Variants in SLC2A9 observed in about 807,000 individuals in gnomAD.
SLC2A9 encodes solute carrier family 2, facilitated glucose transporter member 9.
In SLC2A9, 39 loss-of-function variants were observed where a neutral mutation model predicts 50.6. The observed-to-expected ratio is 0.77, with a 90% CI of 0.60 to 1.01. The LOEUF (loss-of-function observed/expected upper bound fraction) is 1.01, where lower values mean the gene tolerates loss of function less well. Among genes scored for constraint, SLC2A9 ranks in the 50% least tolerant of loss-of-function variants. SLC2A9 has a pLI of 0.00. For synonymous variants in SLC2A9, 324 were observed against 276.9 expected (o/e 1.17, Z -1.69); for missense variants, 686 against 677.6 (o/e 1.01, Z -0.14).
At chr4:10,022,679 T>A (rs12509955), upstream of SLC2A9, among the ~76,000 whole-genome samples, 1 of 152,004 alleles carries the variant, frequency 6.6e-6, no homozygotes, top group Admixed American at 6.5e-5. Flanking sequence ...AAAAGAGAGA[T>A]CGAAAAGTTA....
chr4:9,946,549 C>G (rs762574428), intron 5 of SLC2A9, among the ~76,000 whole-genome samples: 4 of 152,206 alleles, frequency 2.6e-5, no homozygotes, highest in Non-Finnish European at 5.9e-5. Flanking sequence ...TTGCTCCATG[C>G]TGCTGGATTG....
chr4:9,778,760 G>T (rs1487682121), downstream of SLC2A9, among the ~76,000 whole-genome samples: 2 of 152,140 alleles, frequency 1.3e-5, no homozygotes, highest in Non-Finnish European at 2.9e-5. Flanking sequence ...GGAGAAAGGA[G>T]GTTCAGAACA....
At chr4:9,780,433 T>A (rs529234303) in intron 3 of SLC2A9, among the ~76,000 whole-genome samples, 8 of 151,414 alleles carry the variant, frequency 5.3e-5, no homozygotes, top group Non-Finnish European at 1.0e-4. Context: ...CAAAAAGCAC[T>A]GAGGGGGAAG....
At chr4:9,884,549 T>C (rs911618461) in intron 10 of SLC2A9, among the ~76,000 whole-genome samples, 3 of 152,162 alleles carry the variant, frequency 2.0e-5, no homozygotes, top group Admixed American at 1.3e-4. Context: ...GTGTATTTGT[T>C]GGATGGAGGA....
intron 2 of SLC2A9, among the ~76,000 whole-genome samples, chr4:10,005,501 C>G (rs747621648): frequency 6.6e-5 from 10 of 152,204 alleles, no homozygotes; most frequent in Non-Finnish European, 1.5e-4. Flanking sequence ...GAATGTTCTT[C>G]ATAGGTGCAG....
intron 5 of SLC2A9, among the ~76,000 whole-genome samples, chr4:9,952,595 G>T (rs1206795758): frequency 6.6e-6 from 1 of 150,808 alleles, no homozygotes; most frequent in Non-Finnish European, 1.5e-5. Flanking sequence ...GTGCAGTGAC[G>T]CAATCTCAGC....
intron 11 of SLC2A9, among the ~76,000 whole-genome samples, chr4:9,829,346 C>T (rs1335653429): frequency 6.6e-6 from 1 of 151,764 alleles, no homozygotes; most frequent in East Asian, 1.9e-4. Flanking sequence ...ACACCTTATA[C>T]AAAAATTAAC....
downstream of SLC2A9, among the ~76,000 whole-genome samples, chr4:9,777,343 G>A (rs954306880): frequency 1.3e-5 from 2 of 151,152 alleles, no homozygotes; most frequent in African/African-American, 4.9e-5. Context: ...TACCGAGGCT[G>A]GAGTGCAGTG....
intron 8 of SLC2A9, among the ~76,000 whole-genome samples, chr4:9,907,362 T>C (rs1479840636): frequency 1.3e-5 from 2 of 152,240 alleles, no homozygotes; most frequent in African/African-American, 4.8e-5. Context: ...TTTGATCTGA[T>C]TCCAAGATCT....
At chr4:9,782,218 A>G (rs750875411) in intron 3 of SLC2A9, 2 of 1,612,602 alleles carry the variant, frequency 1.2e-6, no homozygotes, top group Non-Finnish European at 1.7e-6. Context: ...TGGTGTGCGC[A>G]GCCATCGTGC....
chr4:10,032,504 T>G (rs1763968408), intron 1 of SLC2A9, among the ~76,000 whole-genome samples: 1 of 152,004 alleles, frequency 6.6e-6, no homozygotes. Flanking sequence ...GGGGAGCTCT[T>G]TACAAAGAGC....
At chr4:9,783,467 G>A in intron 3 of SLC2A9, 1 of 1,593,442 alleles carries the variant, frequency 6.3e-7, no homozygotes, top group Non-Finnish European at 8.6e-7. Context: ...CCATTAAACT[G>A]CATTAAGAAA....
intron 3 of SLC2A9, among the ~76,000 whole-genome samples, chr4:9,818,699 G>A (rs977182509): frequency 3.3e-5 from 5 of 152,260 alleles, no homozygotes; most frequent in African/African-American, 1.2e-4. Flanking sequence ...CAAGGAGGAA[G>A]TCCCTGTCAC....
At chr4:9,774,086 C>G (rs7676603) in intron 1 of SLC2A9, among the ~76,000 whole-genome samples, 33,328 of 151,242 alleles carry the variant, frequency 0.22, 3,926 homozygotes, top group East Asian at 0.33. Context: ...TCTCTGCCTC[C>G]TGGTTCAAGC....
chr4:9,841,093 A>G (rs770803657), intron 10 of SLC2A9, among the ~76,000 whole-genome samples: 26 of 152,374 alleles, frequency 1.7e-4, no homozygotes, highest in Middle Eastern at 6.8e-3. Flanking sequence ...GTAGGGACAC[A>G]GAACCAAATC....
chr4:9,881,594 C>T lies in SLC2A9; in HGVS notation c.1291+5973G>A, dbSNP rs117861080. Among the ~76,000 whole-genome samples the T allele has an allele frequency of 3.5e-3, 539 of 152,290 alleles. 12 individuals carry two copies. Among genetic ancestry groups the T allele is most frequent in the East Asian group, 0.026 (137 of 5,184 alleles). The stretch of plus-strand genomic sequence containing the variant: ...CAGGCCACATGTGGTCCCTGGCATG[C>T]ATTCTTTCTTTCCCCCTTTTAAAAT... On this transcript the variant is annotated intron_variant, in intron 10 of 11. Coordinates refer to ENST00000264784, the MANE Select transcript of SLC2A9 (RefSeq NM_020041.3).
intron 7 of SLC2A9, among the ~76,000 whole-genome samples, chr4:9,910,319 T>C (rs906927473): frequency 1.3e-5 from 2 of 152,212 alleles, no homozygotes; most frequent in Non-Finnish European, 2.9e-5. Flanking sequence ...CTAATTCCTA[T>C]TGTTCTCAGG....
At chr4:9,996,671 C>A in intron 3 of SLC2A9, 110 bp downstream of exon 3, 2 of 1,331,120 alleles carry the variant, frequency 1.5e-6, no homozygotes, top group South Asian at 2.5e-5. Flanking sequence ...TTGAATCTCT[C>A]CAGTTGAACT....
intron 10 of SLC2A9, among the ~76,000 whole-genome samples, chr4:9,870,153 T>C (rs1277591442): frequency 6.6e-6 from 1 of 152,238 alleles, no homozygotes; most frequent in African/African-American, 2.4e-5. Flanking sequence ...GGGCACTGCA[T>C]CCCTACTGAA....
Sources: allele counts gnomAD v4.1 joint callset (sites outside exome capture counted in the v4.1 genomes callset), GRCh38; gene constraint gnomAD v4.1.1; transcripts MANE v1.5; gene names NCBI Gene and HGNC (gene_info 2026-07-23, HGNC 2026-07-21).